Variants in SNX29 observed in about 807,000 individuals in gnomAD.
SNX29 encodes sorting nexin 29.
Under a neutral mutation model 102.1 loss-of-function variants are expected in SNX29, and 78 were observed. That is an observed-to-expected ratio of 0.76 (90% CI 0.64 to 0.92). The LOEUF (loss-of-function observed/expected upper bound fraction) is 0.92. Among genes scored for constraint, SNX29 ranks in the 40% least tolerant of loss-of-function variants. The probability of loss-of-function intolerance (pLI) is 0.00; values close to 1 mark genes in which losing one functional copy is unlikely to be tolerated. For synonymous variants in SNX29, 580 were observed against 414.5 expected (o/e 1.40, Z -4.85); for missense variants, 1,280 against 1,061.7 (o/e 1.21, Z -2.86).
At chr16:12,450,940 A>T (rs916547663) in intron 18 of SNX29, among the ~76,000 whole-genome samples, 1 of 152,194 alleles carries the variant, frequency 6.6e-6, no homozygotes, top group Non-Finnish European at 1.5e-5. Context: ...CTGCTTGCCC[A>T]GTAAGCAAAC....
At chr16:12,563,700 G>A (rs2078860468) in intron 20 of SNX29, among the ~76,000 whole-genome samples, 1 of 152,178 alleles carries the variant, frequency 6.6e-6, no homozygotes, top group Non-Finnish European at 1.5e-5. Flanking sequence ...CCTCATGTAA[G>A]AGGAACATGA....
chr16:12,567,547 G>C (rs543376017), intron 20 of SNX29, among the ~76,000 whole-genome samples: 1 of 152,104 alleles, frequency 6.6e-6, no homozygotes, highest in Admixed American at 6.5e-5. Flanking sequence ...CACTTTAGGA[G>C]GCTGAGCAAG....
chr16:12,535,057 G>A (rs1011076390), intron 20 of SNX29, among the ~76,000 whole-genome samples: 1 of 152,186 alleles, frequency 6.6e-6, no homozygotes, highest in Non-Finnish European at 1.5e-5. Flanking sequence ...ACAAAGCACT[G>A]GGACTCCACA....
In SNX29 at chr16:12,568,794, C is replaced by A; in HGVS notation, c.*165C>A. 5 of 1,102,966 alleles carry A rather than the reference C, an allele frequency of 4.5e-6. No individual in the cohort carries two copies. Among genetic ancestry groups the A allele is most frequent in the African/African-American group, 1.6e-5 (1 of 63,392 alleles). 68.3% of individuals were successfully genotyped at this position (1,102,966 alleles called of 1,614,324 possible). ...CAACACCCCGATTAAACTAATCAGT[C>A]TTCGAGCCGCATGATACCGTGACCC... On this transcript the variant is annotated 3_prime_UTR_variant, in exon 21 of 21. Transcript: ENST00000566228.
intron 15 of SNX29, among the ~76,000 whole-genome samples, chr16:12,304,114 G>A (rs1419857788): frequency 6.6e-6 from 1 of 152,120 alleles, no homozygotes; most frequent in Non-Finnish European, 1.5e-5. Flanking sequence ...GGCCTAAGTA[G>A]CAGGAATGAG....
intron 15 of SNX29, among the ~76,000 whole-genome samples, chr16:12,344,013 CTG>C (rs1470384655): frequency 2.6e-5 from 4 of 152,280 alleles, no homozygotes; most frequent in African/African-American, 9.6e-5. Flanking sequence ...TTCCCCTCTC[CTG>C]TTCTTGTGGT....
intron 19 of SNX29, among the ~76,000 whole-genome samples, chr16:12,521,168 A>C (rs746812845): frequency 6.6e-6 from 1 of 152,204 alleles, no homozygotes; most frequent in Non-Finnish European, 1.5e-5. Context: ...CGACAGAGTG[A>C]GACACTGTCT....
At chr16:11,992,150 C>G (rs894913361) in intron 1 of SNX29, among the ~76,000 whole-genome samples, 1 of 151,922 alleles carries the variant, frequency 6.6e-6, no homozygotes, top group African/African-American at 2.4e-5. Context: ...CAAAATTAGC[C>G]CAGTGTGGTG....
At chr16:12,453,418 C>T (rs542242165) in intron 18 of SNX29, among the ~76,000 whole-genome samples, 48 of 152,290 alleles carry the variant, frequency 3.2e-4, no homozygotes, top group African/African-American at 1.2e-3. Flanking sequence ...ATCATATAAC[C>T]CCAATTTATT....
intron 15 of SNX29, among the ~76,000 whole-genome samples, chr16:12,310,546 T>G (rs2080504618): frequency 6.6e-6 from 1 of 150,936 alleles, no homozygotes; most frequent in South Asian, 2.1e-4. Context: ...AAGGAGCATA[T>G]GCTGTATGAT....
intron 14 of SNX29, among the ~76,000 whole-genome samples, chr16:12,220,392 G>T (rs2077445769): frequency 6.6e-6 from 1 of 152,104 alleles, no homozygotes; most frequent in Non-Finnish European, 1.5e-5. Flanking sequence ...TTAGGGGCCT[G>T]CATAGGACCC....
At chr16:12,524,200 C>T (rs1207126252) in intron 19 of SNX29, among the ~76,000 whole-genome samples, 1 of 152,118 alleles carries the variant, frequency 6.6e-6, no homozygotes, top group Non-Finnish European at 1.5e-5. Flanking sequence ...TTAATAAAAC[C>T]TCTTTCTTAA....
At chr16:12,289,121 G>A (rs575159172) in intron 15 of SNX29, among the ~76,000 whole-genome samples, 24 of 152,324 alleles carry the variant, frequency 1.6e-4, no homozygotes, top group East Asian at 1.9e-4. Context: ...CTGGCGACAC[G>A]GTTTCTGATG....
chr16:12,538,780 C>T lies in SNX29; in HGVS notation c.2318+13939C>T, dbSNP rs79501584. On this transcript the variant is annotated intron_variant, in intron 20 of 20. Transcript: ENST00000566228. ...CATCCAAGCTGTGAGCATGTCACATCGCCAAGGGGGATTACAAGGCAGAAA... is the reference window on the plus strand; with the variant it reads ...CATCCAAGCTGTGAGCATGTCACATTGCCAAGGGGGATTACAAGGCAGAAA... Among the ~76,000 whole-genome samples the T allele has an allele frequency of 2.2e-3, 331 of 152,284 alleles. 1 individual carries two copies. The highest frequency in any genetic ancestry group is 6.8e-3 in the Middle Eastern group (2 of 294).
intron 16 of SNX29, among the ~76,000 whole-genome samples, chr16:12,381,375 T>C (rs1450492539): frequency 2.0e-4 from 4 of 19,960 alleles, no homozygotes; most frequent in African/African-American, 4.9e-4. Context: ...CACCGACCCA[T>C]CATCCACCCA....
At chr16:12,558,461 A>C (rs980137586) in intron 20 of SNX29, among the ~76,000 whole-genome samples, 2 of 152,198 alleles carry the variant, frequency 1.3e-5, no homozygotes, top group African/African-American at 2.4e-5. Context: ...TATGAACTTA[A>C]TGCCATCCTT....
In SNX29 at chr16:12,574,050, TA is replaced by T. The variant is rs1169472557; in HGVS notation, c.*5422del. 7 of 195,376 alleles carry T rather than the reference TA, an allele frequency of 3.6e-5. No homozygotes were observed. The highest frequency in any genetic ancestry group is 9.2e-5 in the African/African-American group (4 of 43,256). The allele number at this position is 195,376 out of a possible 1,614,324, so 12.1% of individuals were successfully genotyped here. A position where few individuals can be genotyped will look rare whatever the true frequency, so the allele number is the denominator to read the frequency against. ...TATCTAGAGTCTGATAGTCTGTGTGTACATAAGGTCTAGAAGTCTGTGGAAA... is the reference window on the plus strand; with the variant it reads ...TATCTAGAGTCTGATAGTCTGTGTGTCATAAGGTCTAGAAGTCTGTGGAAA... On this transcript the variant is annotated 3_prime_UTR_variant, in exon 21 of 21. Transcript: ENST00000566228.
At chr16:12,323,782 T>G (rs999436753) in intron 15 of SNX29, among the ~76,000 whole-genome samples, 12 of 152,322 alleles carry the variant, frequency 7.9e-5, no homozygotes, top group African/African-American at 2.2e-4. Flanking sequence ...GTGCCTCGTC[T>G]TCTTCATCTG....
At chr16:12,048,769 A>T (rs1016137780) in intron 7 of SNX29, 149 bp downstream of exon 7, 2 of 1,382,160 alleles carry the variant, frequency 1.4e-6, no homozygotes, top group South Asian at 1.2e-5. Context: ...TCTCATCCTC[A>T]TTCACTCTGA....
Sources: gnomAD v4.1 joint callset for allele counts (sites outside exome capture counted in the v4.1 genomes callset) on GRCh38, gnomAD v4.1.1 for gene constraint, MANE v1.5 for transcripts, NCBI Gene and HGNC (gene_info 2026-07-23, HGNC 2026-07-21) for gene names.